MCM2: variants seen among roughly 807,000 people sequenced by gnomAD.
MCM2 encodes the protein DNA replication licensing factor MCM2.
MCM2 carries 49 observed loss-of-function variants against 86.4 expected under a neutral mutation model. That is an observed-to-expected ratio of 0.57 (90% CI 0.45 to 0.72). The LOEUF (loss-of-function observed/expected upper bound fraction) is 0.72, where lower values mean the gene tolerates loss of function less well. Ranked by LOEUF, MCM2 falls within the 30% of genes least tolerant of loss-of-function variation. MCM2 has a pLI of 0.00. For synonymous variants in MCM2, 475 were observed against 484.6 expected, an observed-to-expected ratio of 0.98 and a Z score of 0.26; for missense variants, 1,038 against 1,259.9, an observed-to-expected ratio of 0.82 and a Z score of 2.67.
chr3:127,620,264 C>T (rs1291637720), intron 13 of MCM2, among the ~76,000 whole-genome samples: 1 of 152,226 alleles, frequency 6.6e-6, no homozygotes, highest in Admixed American at 6.5e-5. Flanking sequence ...GTCAACACAG[C>T]AGCTTTTCAA....
Position 127,598,564 on chromosome 3 carries a change from C to T in MCM2, c.6+92C>T. Reference sequence around the variant, plus strand: ...ACTCTGGCCCCGGCCCAGGGCGGCGCTCTGGGTGAGGCTGGGCCCCAGGCT... The same window carrying T: ...ACTCTGGCCCCGGCCCAGGGCGGCGTTCTGGGTGAGGCTGGGCCCCAGGCT... On this transcript the variant is annotated intron_variant, in intron 1 of 15. Coordinates refer to ENST00000265056, the MANE Select transcript of MCM2 (RefSeq NM_004526.4). 4.6e-6 allele frequency: 7 copies of T among 1,517,740 alleles called. 1 individual carries two copies. The South Asian group carries it at 8.7e-5, about 19-fold the overall frequency. The allele number at this position is 1,517,740 out of a possible 1,614,324, so 94.0% of individuals were successfully genotyped here.
At chr3:127,605,896 G>T (rs1213439512) in intron 4 of MCM2, among the ~76,000 whole-genome samples, 2 of 152,144 alleles carry the variant, frequency 1.3e-5, no homozygotes, top group Non-Finnish European at 2.9e-5. Context: ...TAACCCCCCA[G>T]CAACTTTGTA....
In MCM2 at chr3:127,608,850, C is replaced by A; in HGVS notation, c.1255C>A (p.His419Asn). The A allele has an allele frequency of 6.2e-7, 1 of 1,614,158 alleles. No individual in the cohort carries two copies. The highest frequency in any genetic ancestry group is 8.5e-7 in the Non-Finnish European group (1 of 1,180,008). Residue 419 changes from histidine to asparagine, a missense_variant, in exon 8 of 16, where the codon CAC becomes AAC. Transcript: ENST00000265056. ...TCCCCAGGAGCTGACTGGCATCTAT[C>A]ACAACAACTATGATGGCTCCCTCAA... ...GDEIELTGIY[H>N]NNYDGSLNTA...
At position 127,618,664 on chromosome 3, in the gene MCM2, C is replaced by G. The variant is rs2074451644; in HGVS notation, c.2014-363C>G. Among the ~76,000 whole-genome samples, 1 of 152,208 alleles carries G rather than the reference C, an allele frequency of 6.6e-6. No homozygotes were observed. The highest frequency in any genetic ancestry group is 1.5e-5 in the Non-Finnish European group (1 of 68,038). On this transcript the variant is annotated intron_variant, in intron 12 of 15. Transcript: ENST00000265056. This position sits in a 1 kb window ranked among gnomAD's most constrained non-coding sequence, Gnocchi z 4.0. ...TCCCACACTGTCACATGACTTGCAT[C>G]TCATTGTCGTCATCTCAGCTCCCTG...
chr3:127,599,417 G>A lies in MCM2; in HGVS notation c.106G>A (p.Asp36Asn). 6.2e-7 allele frequency: 1 copy of A among 1,614,172 alleles called. No individual in the cohort carries two copies. Residue 36 changes from aspartate to asparagine, a missense_variant, in exon 2 of 16, where the codon GAT (aspartate) becomes AAT (asparagine). By Grantham distance (23) the Asp-to-Asn change is conservative. Around this residue, in one of 4 missense-constraint regions of MCM2, gnomAD observed 300 missense variants for 307.4 expected, o/e 0.98. Transcript: ENST00000265056. ...CCCTGGCCGAAGCTCCCGGCGTACT[G>A]ATGCCCTCACCTCCAGCCCTGGCCG... ...SSPGRSSRRT[D>N]ALTSSPGRDL...
At chr3:127,610,109 G>A (rs1369407039) in intron 8 of MCM2, among the ~76,000 whole-genome samples, 1 of 152,178 alleles carries the variant, frequency 6.6e-6, no homozygotes, top group Non-Finnish European at 1.5e-5. Flanking sequence ...CTCCCAAAGT[G>A]CTGGGATTAT....
At chr3:127,603,914 C>T (rs1213539159) in intron 2 of MCM2, among the ~76,000 whole-genome samples, 1 of 151,896 alleles carries the variant, frequency 6.6e-6, no homozygotes, top group Non-Finnish European at 1.5e-5. Flanking sequence ...TCCGCCTTGG[C>T]CTCCCAAAGT....
chr3:127,599,585 T>C (rs1485380237), intron 2 of MCM2, 38 bp downstream of exon 2: 1 of 1,561,956 alleles, frequency 6.4e-7, no homozygotes, highest in African/African-American at 1.4e-5. Context: ...GCAGATAGTT[T>C]TGCAGAGAGC....
chr3:127,614,727 G>A (rs2074421103), intron 8 of MCM2, among the ~76,000 whole-genome samples: 1 of 152,190 alleles, frequency 6.6e-6, no homozygotes, highest in Non-Finnish European at 1.5e-5. Context: ...AGACAAATAG[G>A]CCCGCCGGGT....
In MCM2 at chr3:127,617,841, G is replaced by A. The variant is rs1180705102; in HGVS notation, c.1901-128G>A. The A allele has an allele frequency of 4.3e-6, 3 of 700,426 alleles. No homozygotes were observed. In the Admixed American group the frequency reaches 6.3e-5, roughly 15 times the overall value. 43.4% of individuals were successfully genotyped at this position (700,426 alleles called of 1,614,324 possible). On this transcript the variant is annotated intron_variant, in intron 11 of 15. Transcript: ENST00000265056. This position sits in a 1 kb window ranked among gnomAD's most constrained non-coding sequence, Gnocchi z 4.1. Reference sequence around the variant, plus strand: ...CTCTTTGCTGTCTCAGACAGCAGGTGCTAAGTACCCACCTATGTCTTCCTC... The same window carrying A: ...CTCTTTGCTGTCTCAGACAGCAGGTACTAAGTACCCACCTATGTCTTCCTC...
intron 2 of MCM2, among the ~76,000 whole-genome samples, chr3:127,603,702 A>G (rs1360760943): frequency 7.1e-6 from 1 of 140,896 alleles, no homozygotes; most frequent in Non-Finnish European, 1.5e-5. Flanking sequence ...CTCTGTTGCG[A>G]CCAGGCTGGA....
intron 8 of MCM2, among the ~76,000 whole-genome samples, chr3:127,614,017 C>A (rs2074416805): frequency 6.6e-6 from 1 of 152,188 alleles, no homozygotes; most frequent in Non-Finnish European, 1.5e-5. Flanking sequence ...TCCCTCATGG[C>A]CTGATCACCC....
rs528463591 is a variant in MCM2, at chr3:127,621,601, G to A, written c.2605-62G>A. 137 of 1,076,762 alleles carry A rather than the reference G, an allele frequency of 1.3e-4. 4 individuals are homozygous for A. The South Asian group carries it at 1.7e-3, about 13-fold the overall frequency. 66.7% of individuals were successfully genotyped at this position (1,076,762 alleles called of 1,614,324 possible). A position where few individuals can be genotyped will look rare whatever the true frequency, so the allele number is the denominator to read the frequency against. ...TGTCTGAAAGTGCACTGTAACTGGG[G>A]CGCTCTGGAAACAGCCTGTTCTCAC... is the stretch of plus-strand genomic sequence containing the variant. On this transcript the variant is annotated intron_variant, in intron 15 of 15. Coordinates refer to ENST00000265056, the MANE Select transcript of MCM2 (RefSeq NM_004526.4).
Position 127,618,864 on chromosome 3 carries a change from G to C in MCM2, c.2014-163G>C, listed in dbSNP as rs1311107972. ...TGTGGGGACTCTGTCCCATTGTCTG[G>C]TTTGCCACCCACACCCAGAACTGCC... On this transcript the variant is annotated intron_variant, in intron 12 of 15. Coordinates refer to ENST00000265056, the MANE Select transcript of MCM2 (RefSeq NM_004526.4). The surrounding 1 kb of genome is among the most constrained non-coding windows in gnomAD (Gnocchi z 4.0). 1.3e-5 allele frequency among the ~76,000 whole-genome samples: 2 copies of C among 152,138 alleles called. No individual in the cohort carries two copies. The highest frequency in any genetic ancestry group is 2.9e-5 in the Non-Finnish European group (2 of 68,028).
Position 127,608,866 on chromosome 3 carries a change from G to C in MCM2, c.1271G>C (p.Gly424Ala). 6.2e-7 allele frequency: 1 copy of C among 1,614,122 alleles called. No individual in the cohort carries two copies. Among genetic ancestry groups the C allele is most frequent in the Non-Finnish European group, 8.5e-7 (1 of 1,180,026 alleles). ...GGCATCTATCACAACAACTATGATG[G>C]CTCCCTCAACACTGCCAATGGCTTC... ...LTGIYHNNYD[G>A]SLNTANGFPV... The change falls in exon 8 of 16, where the codon GGC becomes GCC. Residue 424 changes from glycine (G) to alanine (A), a missense_variant. Physicochemically the swap from Gly to Ala is moderately conservative, Grantham distance 60. Coordinates refer to ENST00000265056, the MANE Select transcript of MCM2 (RefSeq NM_004526.4).
intron 13 of MCM2, among the ~76,000 whole-genome samples, chr3:127,619,951 T>C (rs1261237191): frequency 6.6e-6 from 1 of 152,198 alleles, no homozygotes; most frequent in Non-Finnish European, 1.5e-5. Context: ...ACCACTGCAC[T>C]CTAGCCTTGG....
At chr3:127,620,992 C>T in intron 14 of MCM2, 81 bp from the exon 15 acceptor site, 1 of 1,581,492 alleles carries the variant, frequency 6.3e-7, no homozygotes, top group Non-Finnish European at 8.6e-7. Flanking sequence ...GCCTGTCTGA[C>T]CTGGGTGCTG....
At chr3:127,614,642 A>ATGCC (rs2074420530) in intron 8 of MCM2, among the ~76,000 whole-genome samples, 1 of 152,210 alleles carries the variant, frequency 6.6e-6, no homozygotes, top group Non-Finnish European at 1.5e-5. Flanking sequence ...AGTCAGGTAA[A>ATGCC]TGCCTGCTTA....
chr3:127,608,244 A>G, intron 6 of MCM2, 138 bp from the exon 7 acceptor site: 9 of 1,058,578 alleles, frequency 8.5e-6, no homozygotes, highest in Non-Finnish European at 1.3e-5. Context: ...AGTCGCCATG[A>G]ACTCATTCCT....
Sources: gnomAD v4.1 joint callset for allele counts (sites outside exome capture counted in the v4.1 genomes callset) on GRCh38, gnomAD v4.1.1 for gene constraint, gnomAD v4.1.1 regional missense constraint, Gnocchi (gnomAD v3.1) non-coding constraint, MANE v1.5 for transcripts, NCBI Gene and HGNC (gene_info 2026-07-23, HGNC 2026-07-21) for gene names.